Variants in MEGF6 observed in about 807,000 individuals in gnomAD.
MEGF6 encodes multiple epidermal growth factor-like domains protein 6.
Under a neutral mutation model 207.1 loss-of-function variants are expected in MEGF6, and 184 were observed. The observed-to-expected ratio is 0.89, with a 90% CI of 0.79 to 1.00. The LOEUF is 1.00. Among genes scored for constraint, MEGF6 ranks in the 50% least tolerant of loss-of-function variants. The pLI is 0.00. For missense variants in MEGF6, 2,282 were observed against 2,202.9 expected (o/e 1.04, Z -0.72); for synonymous variants, 1,038 against 910.0 (o/e 1.14, Z -2.53).
intron 4 of MEGF6, among the ~76,000 whole-genome samples, chr1:3,540,023 C>T (rs1642463404): frequency 6.6e-6 from 1 of 152,210 alleles, no homozygotes; most frequent in Non-Finnish European, 1.5e-5. Flanking sequence ...CCCTTCAGCC[C>T]TCCGTGTTTA....
rs115162373 is a variant in MEGF6 at position 3,573,419 on chromosome 1, C to A, written c.481+6406G>T. 1.3e-5 allele frequency among the ~76,000 whole-genome samples: 2 copies of A among 152,202 alleles called. No homozygotes were observed. Among genetic ancestry groups the A allele is most frequent in the Non-Finnish European group, 2.9e-5 (2 of 68,034 alleles). On this transcript the variant is annotated intron_variant, in intron 4 of 36. Transcript: ENST00000356575. The surrounding 1 kb of genome is among the most constrained non-coding windows in gnomAD (Gnocchi z 5.1). ...GCTTGGCTGCACCCAAAGGTAAGCA[C>A]GGGAAACAGTGCGGGGAGCCTGGAA...
chr1:3,505,356 G>C lies in MEGF6; in HGVS notation c.2054-14C>G. 6.2e-7 allele frequency: 1 copy of C among 1,609,340 alleles called. No individual in the cohort carries two copies. The highest frequency in any genetic ancestry group is 8.5e-7 in the Non-Finnish European group (1 of 1,178,172). On this transcript the variant is annotated splice_polypyrimidine_tract_variant and intron_variant, in intron 16 of 36. Transcript: ENST00000356575. ...CCAGCTCACACTCTGCAGGGCGTGAGAGAGGGGTGGGTGGGGTTAACCGAC... is the reference window on the plus strand; with the variant it reads ...CCAGCTCACACTCTGCAGGGCGTGACAGAGGGGTGGGTGGGGTTAACCGAC...
chr1:3,513,577 CTTTTTTTTTT>C (rs757815891), intron 7 of MEGF6, among the ~76,000 whole-genome samples: 40 of 56,566 alleles, frequency 7.1e-4, no homozygotes, highest in Admixed American at 2.0e-3. Context: ...CACACCTGGG[CTTTTTTTTTT>C]TTTTTTTTTT....
chr1:3,549,663 C>T (rs1642824063), intron 4 of MEGF6, among the ~76,000 whole-genome samples: 1 of 152,208 alleles, frequency 6.6e-6, no homozygotes, highest in African/African-American at 2.4e-5. Flanking sequence ...CTCCCCACAG[C>T]TCACCCCGCT....
chr1:3,577,717 G>A (rs768797397), intron 4 of MEGF6, among the ~76,000 whole-genome samples: 11 of 152,288 alleles, frequency 7.2e-5, no homozygotes, highest in South Asian at 6.2e-4. Context: ...CTGGTGGGGC[G>A]CAGGGAACCT....
At chr1:3,595,631 G>T (rs1644051570) in intron 2 of MEGF6, among the ~76,000 whole-genome samples, 184 bp from the exon 3 acceptor site, 1 of 152,212 alleles carries the variant, frequency 6.6e-6, no homozygotes, top group Admixed American at 6.5e-5. Flanking sequence ...GAACGAGGGG[G>T]CAGCATGGAG....
At chr1:3,592,645 C>A (rs2101832187) in intron 3 of MEGF6, among the ~76,000 whole-genome samples, 1 of 152,318 alleles carries the variant, frequency 6.6e-6, no homozygotes, top group South Asian at 2.1e-4. Context: ...ACGCGCCAGG[C>A]AGCACCCCTC....
At chr1:3,596,356 T>C (rs890980492) in intron 2 of MEGF6, among the ~76,000 whole-genome samples, 1 of 151,836 alleles carries the variant, frequency 6.6e-6, no homozygotes, top group Non-Finnish European at 1.5e-5. Context: ...CCAGAGGACA[T>C]GACGTCCCCC....
chr1:3,522,716 C>T (rs751505104), intron 5 of MEGF6, among the ~76,000 whole-genome samples: 1 of 152,038 alleles, frequency 6.6e-6, no homozygotes, highest in Non-Finnish European at 1.5e-5. Flanking sequence ...TCCCAAGGCC[C>T]CCCCACTCAC....
At chr1:3,555,896 C>A (rs1007913840) in intron 4 of MEGF6, among the ~76,000 whole-genome samples, 22 of 152,208 alleles carry the variant, frequency 1.4e-4, no homozygotes, top group African/African-American at 4.8e-4. Flanking sequence ...AAGAAAGTGC[C>A]CCAAATAAGT....
chr1:3,537,296 G>A (rs576517246), intron 4 of MEGF6, among the ~76,000 whole-genome samples: 3 of 152,374 alleles, frequency 2.0e-5, no homozygotes, highest in East Asian at 1.9e-4. Context: ...GCATGAAACA[G>A]GGGGAAGGAG....
intron 3 of MEGF6, among the ~76,000 whole-genome samples, chr1:3,584,934 G>C (rs535653192): frequency 6.6e-6 from 1 of 152,382 alleles, no homozygotes; most frequent in Admixed American, 6.5e-5. Context: ...CACCCTACAG[G>C]GCAGCTCTTG....
intron 4 of MEGF6, among the ~76,000 whole-genome samples, chr1:3,536,483 C>T (rs966018023): frequency 3.3e-5 from 5 of 152,146 alleles, no homozygotes; most frequent in South Asian, 2.1e-4. Context: ...GGGAGGAGCC[C>T]GGGCGTGGCC....
chr1:3,535,152 G>A (rs369771739), intron 4 of MEGF6, among the ~76,000 whole-genome samples: 55 of 152,274 alleles, frequency 3.6e-4, no homozygotes, highest in Non-Finnish European at 6.3e-4. Context: ...CACATGACTC[G>A]GGAAGGAGAA....
At chr1:3,598,449 C>T (rs983689387) in intron 2 of MEGF6, among the ~76,000 whole-genome samples, 7 of 152,206 alleles carry the variant, frequency 4.6e-5, no homozygotes, top group Non-Finnish European at 8.8e-5. Context: ...ACCACCACGG[C>T]GAACAATATT....
chr1:3,612,900 C>A (rs189092030), upstream of MEGF6, among the ~76,000 whole-genome samples: 137 of 152,336 alleles, frequency 9.0e-4, 3 homozygotes, highest in East Asian at 0.023. Flanking sequence ...GTCACCCCAG[C>A]TTTACAGAAG....
chr1:3,595,813 G>T (rs1644055318), intron 2 of MEGF6, among the ~76,000 whole-genome samples: 1 of 152,174 alleles, frequency 6.6e-6, no homozygotes, highest in South Asian at 2.1e-4. Context: ...TACCAGGCAG[G>T]TCTGTGAGCA....
intron 4 of MEGF6, among the ~76,000 whole-genome samples, chr1:3,562,731 G>A (rs866671954): frequency 2.6e-5 from 4 of 152,180 alleles, no homozygotes; most frequent in African/African-American, 4.8e-5. Flanking sequence ...ACATCTCTCC[G>A]GTCTGAAACC....
chr1:3,569,176 G>T (rs1557783206), intron 4 of MEGF6, among the ~76,000 whole-genome samples: 1 of 152,234 alleles, frequency 6.6e-6, no homozygotes, highest in African/African-American at 2.4e-5. Flanking sequence ...GTTCAGGGGG[G>T]GAGACCGAGG....
Sources: allele counts gnomAD v4.1 joint callset (sites outside exome capture counted in the v4.1 genomes callset), GRCh38; gene constraint gnomAD v4.1.1; non-coding constraint Gnocchi (gnomAD v3.1); transcripts MANE v1.5; gene names NCBI Gene and HGNC (gene_info 2026-07-23, HGNC 2026-07-21).